Variants in REV1 observed in about 807,000 individuals in gnomAD.
The protein encoded by REV1 is REV1 DNA directed polymerase.
Under a neutral mutation model 137.4 loss-of-function variants are expected in REV1, and 42 were observed. That is an observed-to-expected ratio of 0.31 (90% confidence interval 0.24 to 0.40). The LOEUF (loss-of-function observed/expected upper bound fraction) is 0.40, where lower values mean the gene tolerates loss of function less well. Ranked by LOEUF, REV1 falls within the 10% of genes least tolerant of loss-of-function variation. The pLI is 1.00. For missense variants in REV1, 1,282 were observed against 1,490.1 expected (o/e 0.86, Z 2.30); for synonymous variants, 524 against 519.2 (o/e 1.01, Z -0.12).
rs1005198806 is a variant in REV1 at position 99,402,669 on chromosome 2, G to C, written c.3516C>G (p.Leu1172=). 1.9e-6 allele frequency: 3 copies of C among 1,613,946 alleles called. No homozygotes were observed. Among genetic ancestry groups the C allele is most frequent in the Non-Finnish European group, 2.5e-6 (3 of 1,180,010 alleles). Residue 1172 remains leucine, a synonymous_variant, in exon 21 of 23, where the codon CTC becomes CTG. Transcript: ENST00000258428. ...CTGAAATTGTAGTTATCCATTCTCT[G>C]AGCAAGGTCTTCACATCATTGAATT... ...AVEFNDVKTL[L]REWITTISDP... is the part of the protein sequence containing the mutation.
chr2:99,429,870 G>T lies in REV1; in HGVS notation c.1517C>A (p.Ala506Asp). 1 of 1,602,822 alleles carries T rather than the reference G, an allele frequency of 6.2e-7. No individual in the cohort carries two copies. The highest frequency in any genetic ancestry group is 8.5e-7 in the Non-Finnish European group (1 of 1,175,164). ...ANGIDSVLSR[A>D]EIASCSYEAR... ...CTCATAACTACAAGATGCAATTTCA[G>T]CCCTTGACAAAACAGAATCAATTCC... The change falls in exon 9 of 23, where the codon GCT becomes GAT. Residue 506 changes from alanine (A) to aspartate (D), a missense_variant. Around this residue, in one of 7 missense-constraint regions of REV1, gnomAD observed 432 missense variants for 438.0 expected, o/e 0.99. Transcript: ENST00000258428.
At chr2:99,415,645 T>C (rs1677752832) in intron 12 of REV1, among the ~76,000 whole-genome samples, 1 of 152,256 alleles carries the variant, frequency 6.6e-6, no homozygotes, top group Non-Finnish European at 1.5e-5. Flanking sequence ...GAACTGGTAG[T>C]TTTATTTAAC....
intron 16 of REV1, 39 bp from the exon 17 acceptor site, chr2:99,406,145 A>C (rs1038530459): frequency 3.3e-5 from 50 of 1,536,510 alleles, no homozygotes; most frequent in Non-Finnish European, 4.2e-5. Flanking sequence ...TCTTCAGATC[A>C]TCGGGCAGGG....
At chr2:99,472,256 A>G (rs1446752385) in intron 1 of REV1, among the ~76,000 whole-genome samples, 1 of 152,226 alleles carries the variant, frequency 6.6e-6, no homozygotes, top group Non-Finnish European at 1.5e-5. Context: ...GCGTGCTACA[A>G]CTTGCATGAA....
At chr2:99,422,383 G>A (rs1046987212) in intron 10 of REV1, among the ~76,000 whole-genome samples, 2 of 152,178 alleles carry the variant, frequency 1.3e-5, no homozygotes, top group African/African-American at 4.8e-5. Context: ...GAAATGGGAG[G>A]AAACTTTCCC....
chr2:99,429,980 T>C (rs1679913841), intron 8 of REV1, 32 bp from the exon 9 acceptor site: 11 of 1,287,258 alleles, frequency 8.5e-6, no homozygotes, highest in Non-Finnish European at 1.2e-5. Flanking sequence ...AATGGTTATA[T>C]GTTATAAACT....
In REV1 at chr2:99,402,226, A is replaced by G. The variant is rs759451154; in HGVS notation, c.3644+18T>C. On this transcript the variant is annotated intron_variant, in intron 22 of 22. Transcript: ENST00000258428. ...ACATGCCATTTTTTCCCATTTGATA[A>G]AAGTGATGAATTACTACCTTTTCAT... is the stretch of plus-strand genomic sequence containing the variant. The G allele has an allele frequency of 9.4e-7, 1 of 1,062,864 alleles. No individual in the cohort carries two copies. Among genetic ancestry groups the G allele is most frequent in the South Asian group, 1.4e-5 (1 of 69,506 alleles). 65.8% of individuals were successfully genotyped at this position (1,062,864 alleles called of 1,614,324 possible). A position where few individuals can be genotyped will look rare whatever the true frequency, so the allele number is the denominator to read the frequency against.
chr2:99,423,294 A>C (rs760249704), intron 10 of REV1, among the ~76,000 whole-genome samples: 2 of 152,248 alleles, frequency 1.3e-5, no homozygotes, highest in Non-Finnish European at 2.9e-5. Context: ...AGGTGAAAAC[A>C]GAGGCAAGAA....
chr2:99,429,914 T>C lies in REV1; in HGVS notation c.1473A>G (p.Pro491=). The change falls in exon 9 of 23, where the codon CCA becomes CCG. Residue 491 remains proline, a synonymous_variant. Coordinates refer to ENST00000258428, the MANE Select transcript of REV1 (RefSeq NM_016316.4). The stretch of plus-strand genomic sequence containing the variant: ...CAATTCCATTTGCTTGCGCAGAATC[T>C]GGATTCTCCCACAATGATGAATCTG... ...DIPDSSLWEN[P]DSAQANGIDS... 1.2e-6 allele frequency: 2 copies of C among 1,602,198 alleles called. No individual in the cohort carries two copies. The highest frequency in any genetic ancestry group is 1.7e-6 in the Non-Finnish European group (2 of 1,174,560).
chr2:99,445,450 G>A (rs951159328), intron 4 of REV1, among the ~76,000 whole-genome samples: 3 of 152,078 alleles, frequency 2.0e-5, no homozygotes, highest in South Asian at 4.1e-4. Flanking sequence ...AAAAACCCAC[G>A]CTACAAGGTT....
intron 3 of REV1, among the ~76,000 whole-genome samples, chr2:99,454,585 A>C (rs867036020): frequency 4.8e-4 from 39 of 81,782 alleles, no homozygotes; most frequent in African/African-American, 1.9e-3. Flanking sequence ...AAAAAAAAAA[A>C]AAAAAACCCA....
chr2:99,428,479 A>G (rs990939253), intron 9 of REV1, among the ~76,000 whole-genome samples: 4 of 152,236 alleles, frequency 2.6e-5, no homozygotes, highest in Non-Finnish European at 5.9e-5. Flanking sequence ...TTAATGAGAA[A>G]GGCAAAGTTA....
chr2:99,473,519 C>G (rs1685646281), intron 1 of REV1, among the ~76,000 whole-genome samples: 1 of 152,196 alleles, frequency 6.6e-6, no homozygotes, highest in Non-Finnish European at 1.5e-5. Context: ...AGTTCACATT[C>G]TAAGCATAGT....
rs774700413 is a variant in REV1, at chr2:99,439,311, C to T, written c.504-1G>A. On this transcript the variant is annotated splice_acceptor_variant, in intron 5 of 22. Transcript: ENST00000258428. LOFTEE classifies it high-confidence loss of function. ...TTCAATCTTCTTAACGATGTGATTT[C>T]TAAAGCAGGAAAAAATTTTTGAGTT... The T allele has an allele frequency of 6.3e-7, 1 of 1,589,746 alleles. No individual in the cohort carries two copies. The highest frequency in any genetic ancestry group is 8.6e-7 in the Non-Finnish European group (1 of 1,167,942).
chr2:99,455,211 T>C (rs1201585555), intron 3 of REV1, among the ~76,000 whole-genome samples: 2 of 152,244 alleles, frequency 1.3e-5, no homozygotes, highest in African/African-American at 4.8e-5. Flanking sequence ...TGGCTGCTTA[T>C]ACCTCCTTTG....
chr2:99,445,652 C>T (rs981203915), intron 4 of REV1, among the ~76,000 whole-genome samples: 1 of 152,192 alleles, frequency 6.6e-6, no homozygotes, highest in African/African-American at 2.4e-5. Flanking sequence ...AAGACAAAGA[C>T]TGTGACAAAA....
chr2:99,471,889 TAAAAAAAAAAA>T (rs947603744), intron 1 of REV1, among the ~76,000 whole-genome samples: 1 of 93,428 alleles, frequency 1.1e-5, no homozygotes, highest in Non-Finnish European at 2.2e-5. Context: ...TAGCTACTAT[TAAAAAAAAAAA>T]AAAAAAAAAA....
chr2:99,413,309 TA>T (rs1677440147), intron 12 of REV1, among the ~76,000 whole-genome samples: 1 of 152,214 alleles, frequency 6.6e-6, no homozygotes, highest in Non-Finnish European at 1.5e-5. Flanking sequence ...TAAACAAGTC[TA>T]TAGTGTGACT....
chr2:99,422,795 C>T (rs1440360513), intron 10 of REV1, among the ~76,000 whole-genome samples: 3 of 152,146 alleles, frequency 2.0e-5, no homozygotes, highest in Non-Finnish European at 2.9e-5. Context: ...GTATAGGTCA[C>T]AGCTCTCTCT....
Sources: gnomAD v4.1 joint callset for allele counts (sites outside exome capture counted in the v4.1 genomes callset) on GRCh38, gnomAD v4.1.1 for gene constraint, gnomAD v4.1.1 regional missense constraint, MANE v1.5 for transcripts, NCBI Gene and HGNC (gene_info 2026-07-23, HGNC 2026-07-21) for gene names.